SAMD5: variants seen among roughly 807,000 people sequenced by gnomAD.
SAMD5 encodes sterile alpha motif domain-containing protein 5.
Under a neutral mutation model 11.3 loss-of-function variants are expected in SAMD5, and 13 were observed. That is an observed-to-expected ratio of 1.15 (90% confidence interval 0.75 to 1.83). SAMD5 has a LOEUF of 1.83. Ranked by LOEUF, SAMD5 falls within the 40% of genes most tolerant of loss-of-function variation. The pLI is 0.00. For missense variants in SAMD5, 255 were observed against 239.1 expected (o/e 1.07, Z -0.44); for synonymous variants, 129 against 111.3 (o/e 1.16, Z -1.00).
intron 1 of SAMD5, among the ~76,000 whole-genome samples, chr6:147,635,199 C>G (rs1192085027): frequency 2.0e-5 from 3 of 150,118 alleles, no homozygotes; most frequent in Non-Finnish European, 3.0e-5. Flanking sequence ...TAACTTGTCA[C>G]TACCCTCATC....
At chr6:147,666,076 C>CT (rs1790714702) in intron 1 of SAMD5, among the ~76,000 whole-genome samples, 1 of 152,156 alleles carries the variant, frequency 6.6e-6, no homozygotes, top group East Asian at 2.0e-4. Flanking sequence ...GTAGCTGGGA[C>CT]TACAGGCGCC....
chr6:147,866,821 AAAAG>A, the SAMD5 span, among the ~76,000 whole-genome samples: 5 of 152,132 alleles, frequency 3.3e-5, no homozygotes, highest in African/African-American at 1.2e-4. Context: ...TAGACACAAA[AAAAG>A]AAAGAGAGAA....
chr6:147,657,265 A>G (rs900993109), intron 1 of SAMD5, among the ~76,000 whole-genome samples: 3 of 152,202 alleles, frequency 2.0e-5, no homozygotes, highest in Admixed American at 2.0e-4. Flanking sequence ...GACAACTGAT[A>G]AAACTTGGAA....
At chr6:147,835,840 T>G in the SAMD5 span, among the ~76,000 whole-genome samples, 1 of 152,172 alleles carries the variant, frequency 6.6e-6, no homozygotes, top group Non-Finnish European at 1.5e-5. Context: ...TCTCTCTAGA[T>G]AGGTCCTCTA....
At chr6:147,756,197 TAGTC>T in the SAMD5 span, among the ~76,000 whole-genome samples, 1 of 152,288 alleles carries the variant, frequency 6.6e-6, no homozygotes, top group Non-Finnish European at 1.5e-5. Flanking sequence ...CCATTAGTCT[TAGTC>T]AGCATATTTG....
chr6:147,946,080 A>C, the SAMD5 span, among the ~76,000 whole-genome samples: 2 of 151,274 alleles, frequency 1.3e-5, no homozygotes, highest in Non-Finnish European at 3.0e-5. Context: ...TGTGTAGATT[A>C]TTTGGCAGAT....
chr6:147,883,232 C>T, the SAMD5 span, among the ~76,000 whole-genome samples: 1 of 152,048 alleles, frequency 6.6e-6, no homozygotes, highest in African/African-American at 2.4e-5. Context: ...CTAGCAGACA[C>T]AAGGGGCATT....
At chr6:147,521,490 T>C (rs374254811) in intron 1 of SAMD5, among the ~76,000 whole-genome samples, 1 of 152,214 alleles carries the variant, frequency 6.6e-6, no homozygotes, top group East Asian at 1.9e-4. Context: ...AGCTATTTCT[T>C]TCAAATTGGA....
chr6:147,708,050 A>G (rs1460720579), intron 1 of SAMD5, among the ~76,000 whole-genome samples: 3 of 152,126 alleles, frequency 2.0e-5, no homozygotes, highest in African/African-American at 4.8e-5. Context: ...TACCTGTGTT[A>G]TGGGCTGAAT....
chr6:147,792,401 A>G, the SAMD5 span, among the ~76,000 whole-genome samples: 1 of 152,198 alleles, frequency 6.6e-6, no homozygotes, highest in Non-Finnish European at 1.5e-5. Context: ...GAAAGCTAGA[A>G]TGCTCCGTTT....
chr6:147,677,546 G>A (rs113153751), intron 1 of SAMD5, among the ~76,000 whole-genome samples: 148 of 152,222 alleles, frequency 9.7e-4, no homozygotes, highest in Admixed American at 2.3e-3. Context: ...GAGAGAATGG[G>A]ATTGAGTTGA....
the SAMD5 span, among the ~76,000 whole-genome samples, chr6:147,849,823 C>G: frequency 6.6e-6 from 1 of 152,174 alleles, no homozygotes; most frequent in Non-Finnish European, 1.5e-5. Flanking sequence ...TCAATCTAGA[C>G]AAAGAGTTAA....
chr6:147,947,207 T>A, the SAMD5 span, among the ~76,000 whole-genome samples: 53 of 152,294 alleles, frequency 3.5e-4, no homozygotes, highest in African/African-American at 1.2e-3. Context: ...TGCTTGCCTG[T>A]GGTTGTATGT....
intron 1 of SAMD5, among the ~76,000 whole-genome samples, chr6:147,646,485 C>T (rs1790403742): frequency 6.6e-6 from 1 of 152,132 alleles, no homozygotes; most frequent in South Asian, 2.1e-4. Context: ...ATGTCTCATG[C>T]TTAATAATAT....
chr6:147,625,502 T>C (rs1371903472), intron 1 of SAMD5, among the ~76,000 whole-genome samples: 1 of 152,240 alleles, frequency 6.6e-6, no homozygotes, highest in Admixed American at 6.5e-5. Flanking sequence ...GTCTGGTTTT[T>C]CTAACTTGGA....
intron 1 of SAMD5, among the ~76,000 whole-genome samples, chr6:147,634,630 A>T (rs1426524326): frequency 6.6e-6 from 1 of 152,210 alleles, no homozygotes. Flanking sequence ...TTCTTGAAGC[A>T]TTGAAGTTTT....
chr6:147,938,863 A>G, the SAMD5 span, among the ~76,000 whole-genome samples: 3 of 152,220 alleles, frequency 2.0e-5, no homozygotes, highest in Non-Finnish European at 2.9e-5. Flanking sequence ...ACACCAACCA[A>G]TTCTCCAACT....
At chr6:147,793,987 T>C in the SAMD5 span, among the ~76,000 whole-genome samples, 1 of 152,152 alleles carries the variant, frequency 6.6e-6, no homozygotes, top group African/African-American at 2.4e-5. Flanking sequence ...TATACCAGAC[T>C]CTAAATAATT....
chr6:147,515,082 G>C (rs472577), intron 1 of SAMD5, among the ~76,000 whole-genome samples: 1 of 150,664 alleles, frequency 6.6e-6, no homozygotes, highest in South Asian at 2.1e-4. Flanking sequence ...TTCTGCGTTC[G>C]TGACATTACT....
Sources: gnomAD v4.1 joint callset for allele counts (sites outside exome capture counted in the v4.1 genomes callset) on GRCh38, gnomAD v4.1.1 for gene constraint, MANE v1.5 for transcripts, NCBI Gene and HGNC (gene_info 2026-07-23, HGNC 2026-07-21) for gene names.